Variants in POMK observed in about 807,000 individuals in gnomAD.
POMK encodes Sugen kinase 196.
A neutral mutation model predicts 23.0 loss-of-function variants in POMK; 19 were observed. The ratio of observed to expected loss-of-function variants is 0.83; its 90% CI spans 0.58 to 1.21. POMK has a LOEUF of 1.21. POMK is among the 50% of genes most tolerant of loss of function. The pLI is 0.00. For missense variants in POMK, 410 were observed against 431.3 expected (o/e 0.95, Z 0.44); for synonymous variants, 173 against 171.6 (o/e 1.01, Z -0.06).
chr8:43,099,832 T>G (rs139720075), intron 2 of POMK, among the ~76,000 whole-genome samples: 1 of 152,282 alleles, frequency 6.6e-6, no homozygotes, highest in African/African-American at 2.4e-5. Flanking sequence ...GCTCTCTGAT[T>G]GCTTCTGTTT....
At chr8:43,114,827 C>T (rs1387007373) in intron 4 of POMK, among the ~76,000 whole-genome samples, 1 of 152,192 alleles carries the variant, frequency 6.6e-6, no homozygotes, top group Non-Finnish European at 1.5e-5. Flanking sequence ...CCAGTCATCT[C>T]AAGGACACAG....
intron 4 of POMK, among the ~76,000 whole-genome samples, chr8:43,119,347 A>G (rs1295399747): frequency 1.3e-5 from 2 of 152,174 alleles, no homozygotes; most frequent in African/African-American, 2.4e-5. Flanking sequence ...AATTTAAAAA[A>G]ATCTTGAACT....
intron 4 of POMK, among the ~76,000 whole-genome samples, chr8:43,111,618 ACCT>A (rs1811668332): frequency 6.6e-6 from 1 of 152,040 alleles, no homozygotes. Flanking sequence ...TGGGCAGACT[ACCT>A]CCTCAAGTGG....
At position 43,112,662 on chromosome 8, in the gene POMK, G is replaced by A. The variant is rs568375807; in HGVS notation, c.282+8832G>A. The stretch of plus-strand genomic sequence containing the variant: ...GGAAAAAATGTTAAGGGCAGCCAGA[G>A]AGAAAGGTCGGGTTACCCACAAAGG... On this transcript the variant is annotated intron_variant, in intron 4 of 4. Transcript: ENST00000331373. 4.6e-5 allele frequency among the ~76,000 whole-genome samples: 7 copies of A among 152,262 alleles called. No homozygotes were observed. The South Asian group carries it at 1.5e-3, about 32-fold the overall frequency.
At chr8:43,111,390 G>GCTCA (rs1302073938) in intron 4 of POMK, among the ~76,000 whole-genome samples, 12 of 152,202 alleles carry the variant, frequency 7.9e-5, no homozygotes, top group African/African-American at 2.9e-4. Context: ...GCCCGCCATT[G>GCTCA]CTCAGGCTTG....
intron 4 of POMK, among the ~76,000 whole-genome samples, chr8:43,118,658 A>C (rs1321041994): frequency 6.6e-6 from 1 of 152,240 alleles, no homozygotes; most frequent in Non-Finnish European, 1.5e-5. Flanking sequence ...ATATTGGAGG[A>C]TTCAAATATT....
At chr8:43,114,716 A>G (rs935790219) in intron 4 of POMK, among the ~76,000 whole-genome samples, 5 of 152,116 alleles carry the variant, frequency 3.3e-5, no homozygotes, top group Non-Finnish European at 4.4e-5. Context: ...TCACGCTGGG[A>G]GCTGTAGACC....
chr8:43,119,283 A>G (rs1055697143), intron 4 of POMK, among the ~76,000 whole-genome samples: 8 of 152,200 alleles, frequency 5.3e-5, no homozygotes, highest in African/African-American at 1.9e-4. Flanking sequence ...TATTAGAGCC[A>G]ATTATCAGAT....
Position 43,122,217 on chromosome 8 carries a change from C to G in POMK, c.393C>G (p.Gly131=). 1.9e-6 allele frequency: 3 copies of G among 1,614,192 alleles called. No individual in the cohort carries two copies. Among genetic ancestry groups the G allele is most frequent in the Non-Finnish European group, 2.5e-6 (3 of 1,180,040 alleles). The change falls in exon 5 of 5, where the codon GGC becomes GGG. Residue 131 remains glycine (G), a synonymous_variant. Transcript: ENST00000331373. ...HGLQMLKSLQ[G]THVVTLLGYC... ...TGCAGATGCTGAAATCTCTCCAAGGCACACATGTTGTCACGCTGCTTGGCT... is the reference window on the plus strand; with the variant it reads ...TGCAGATGCTGAAATCTCTCCAAGGGACACATGTTGTCACGCTGCTTGGCT...
intron 4 of POMK, among the ~76,000 whole-genome samples, chr8:43,106,952 C>T (rs1811556503): frequency 6.6e-6 from 1 of 152,128 alleles, no homozygotes; most frequent in African/African-American, 2.4e-5. Context: ...TCGGAGTTGA[C>T]CCTAAGGTGA....
rs181540017 is a variant in POMK, at chr8:43,108,192, A to C, written c.282+4362A>C. Reference sequence around the variant, plus strand: ...CAGAAAGTGACATTCTATACTTACCATGGGTCAGGAACCCTGTACAGGGAC... The same window carrying C: ...CAGAAAGTGACATTCTATACTTACCCTGGGTCAGGAACCCTGTACAGGGAC... On this transcript the variant is annotated intron_variant, in intron 4 of 4. Transcript: ENST00000331373. Among the ~76,000 whole-genome samples, 10 of 152,306 alleles carry C rather than the reference A, an allele frequency of 6.6e-5. No individual in the cohort carries two copies. The East Asian group carries it at 1.9e-3, about 29-fold the overall frequency.
In POMK at chr8:43,119,232, C is replaced by T. The variant is rs545032515; in HGVS notation, c.283-2875C>T. Among the ~76,000 whole-genome samples the T allele has an allele frequency of 7.9e-5, 12 of 152,044 alleles. No individual in the cohort carries two copies. The East Asian group carries it at 1.4e-3, about 17-fold the overall frequency. ...CTGGTGGTGACCATGCAGAGGTGGG[C>T]GTAAGGAAGCCATGGATCTGAACAA... On this transcript the variant is annotated intron_variant, in intron 4 of 4. Transcript: ENST00000331373.
At chr8:43,113,354 T>A (rs1183218544) in intron 4 of POMK, among the ~76,000 whole-genome samples, 3 of 152,210 alleles carry the variant, frequency 2.0e-5, no homozygotes, top group Non-Finnish European at 4.4e-5. Flanking sequence ...GCTTCATTTC[T>A]TTCATTTCGT....
chr8:43,095,755 A>G (rs989059500), intron 1 of POMK, among the ~76,000 whole-genome samples: 2 of 152,176 alleles, frequency 1.3e-5, no homozygotes, highest in Admixed American at 6.5e-5. Flanking sequence ...ATTCATAACT[A>G]TTCTTCTCTT....
intron 4 of POMK, among the ~76,000 whole-genome samples, chr8:43,112,605 A>G (rs913770467): frequency 1.3e-5 from 2 of 152,144 alleles, no homozygotes; most frequent in Non-Finnish European, 2.9e-5. Flanking sequence ...TCCAAGACAC[A>G]TAATTGTCAG....
chr8:43,121,653 T>A (rs914268845), intron 4 of POMK, among the ~76,000 whole-genome samples: 1 of 152,212 alleles, frequency 6.6e-6, no homozygotes, highest in African/African-American at 2.4e-5. Context: ...TCCACTCCCC[T>A]GCCTCCTCTT....
At position 43,111,796 on chromosome 8, in the gene POMK, T is replaced by TA. The variant is rs751855718; in HGVS notation, c.282+7967dup. 1.4e-4 allele frequency among the ~76,000 whole-genome samples: 21 copies of TA among 152,220 alleles called. 1 individual carries two copies. Among genetic ancestry groups the TA allele is most frequent in the Admixed American group, 2.6e-4 (4 of 15,282 alleles). ...GCTGTTCTGCAGCCCCCGCTGCTGA[T>TA]ACCCAGGCAAACAGGGTCTGGAGTG... On this transcript the variant is annotated intron_variant, in intron 4 of 4. Transcript: ENST00000331373.
chr8:43,105,559 C>T (rs958181212), intron 4 of POMK, among the ~76,000 whole-genome samples: 1 of 151,992 alleles, frequency 6.6e-6, no homozygotes, highest in Non-Finnish European at 1.5e-5. Context: ...GTATATATAC[C>T]ACATTTTCTT....
intron 2 of POMK, among the ~76,000 whole-genome samples, chr8:43,101,987 C>CTA (rs1303237238): frequency 6.6e-6 from 1 of 152,112 alleles, no homozygotes; most frequent in Non-Finnish European, 1.5e-5. Flanking sequence ...ATGGCTGGCT[C>CTA]CTCTCAGGCC....
Sources: gnomAD v4.1 joint callset for allele counts (sites outside exome capture counted in the v4.1 genomes callset) on GRCh38, gnomAD v4.1.1 for gene constraint, MANE v1.5 for transcripts, NCBI Gene and HGNC (gene_info 2026-07-23, HGNC 2026-07-21) for gene names.